Variants in C11orf65 observed in about 807,000 individuals in gnomAD.
The protein encoded by C11orf65 is chromosome 11 open reading frame 65, also known as protein MFI.
A neutral mutation model predicts 35.3 loss-of-function variants in C11orf65; 38 were observed. The observed-to-expected ratio is 1.08, with a 90% CI of 0.83 to 1.41. The LOEUF (loss-of-function observed/expected upper bound fraction) is 1.41. Ranked by LOEUF, C11orf65 falls within the 40% of genes most tolerant of loss-of-function variation. The pLI is 0.00. For missense variants in C11orf65, 370 were observed against 367.1 expected, an observed-to-expected ratio of 1.01 and a Z score of -0.06; for synonymous variants, 105 against 114.4, an observed-to-expected ratio of 0.92 and a Z score of 0.53.
At chr11:108,387,857 G>T (rs936576502) in intron 7 of C11orf65, among the ~76,000 whole-genome samples, 1 of 152,164 alleles carries the variant, frequency 6.6e-6, no homozygotes, top group East Asian at 1.9e-4. Context: ...ACAATCAGAC[G>T]TTGTGTCTGA....
At chr11:108,408,396 C>T (rs1039022610) in intron 3 of C11orf65, among the ~76,000 whole-genome samples, 11 of 151,976 alleles carry the variant, frequency 7.2e-5, no homozygotes, top group Non-Finnish European at 1.0e-4. Context: ...AATTCTGGGC[C>T]GGGCGTGGTG....
rs2091079513 is a variant in C11orf65, at chr11:108,364,031, C to G, written c.227-28739G>C. ...GGAAACCTTGAACTTAACGGACAAGCTACATGTAATCAAGCTCAGTTTCTC... is the reference window on the plus strand; with the variant it reads ...GGAAACCTTGAACTTAACGGACAAGGTACATGTAATCAAGCTCAGTTTCTC... On this transcript the variant is annotated intron_variant, in intron 2 of 3. Transcript: ENST00000524755. Among the ~76,000 whole-genome samples, 3 of 152,276 alleles carry G rather than the reference C, an allele frequency of 2.0e-5. No individual in the cohort carries two copies. In the South Asian group the frequency reaches 6.2e-4, roughly 32 times the overall value.
intron 2 of C11orf65, chr11:108,340,166 C>T (rs1031083993): frequency 6.6e-6 from 1 of 152,052 alleles, no homozygotes; most frequent in African/African-American, 2.4e-5. Context: ...TTTCTTTTTA[C>T]TTTTATTATT....
At chr11:108,435,871 T>C (rs1378805789) in intron 2 of C11orf65, among the ~76,000 whole-genome samples, 2 of 152,160 alleles carry the variant, frequency 1.3e-5, no homozygotes, top group Non-Finnish European at 2.9e-5. Flanking sequence ...CCCTGTAATC[T>C]GTAATGTGTA....
chr11:108,325,893 C>T (rs970973616), intron 6 of C11orf65, among the ~76,000 whole-genome samples: 9 of 151,982 alleles, frequency 5.9e-5, no homozygotes, highest in African/African-American at 2.2e-4. Context: ...GATAGGCAGA[C>T]GTGGGGTGGG....
rs548336486 is a variant in C11orf65, at chr11:108,370,575, G to GT, written c.226+22632dup. On this transcript the variant is annotated intron_variant, in intron 2 of 3. Coordinates refer to the C11orf65 transcript ENST00000524755. ...TGTGCCTCATCTCAAAGATAAAAGTGTAAGTGTTTACCTTTAAATTTACTG... is the reference window on the plus strand; with the variant it reads ...TGTGCCTCATCTCAAAGATAAAAGTGTTAAGTGTTTACCTTTAAATTTACTG... Among the ~76,000 whole-genome samples, 10 of 147,536 alleles carry GT rather than the reference G, an allele frequency of 6.8e-5. No individual in the cohort carries two copies. In the South Asian group the frequency reaches 2.1e-3, roughly 31 times the overall value.
chr11:108,452,864 G>A (rs1327684422), intron 2 of C11orf65, among the ~76,000 whole-genome samples: 3 of 151,912 alleles, frequency 2.0e-5, no homozygotes, highest in Non-Finnish European at 2.9e-5. Flanking sequence ...CATGGATGAA[G>A]CTGGAAACCA....
chr11:108,311,703 CAA>C, intron 6 of C11orf65, among the ~76,000 whole-genome samples: 1 of 114,312 alleles, frequency 8.7e-6, no homozygotes, highest in African/African-American at 3.2e-5. Flanking sequence ...ATCTCATAAA[CAA>C]AAAAAAAAAA....
chr11:108,458,867 A>G (rs1299177438), intron 2 of C11orf65, among the ~76,000 whole-genome samples: 2 of 152,184 alleles, frequency 1.3e-5, no homozygotes, highest in Non-Finnish European at 2.9e-5. Context: ...GGTAAATGGA[A>G]AGTGGTATCT....
chr11:108,388,919 C>T (rs1275860635), intron 7 of C11orf65, among the ~76,000 whole-genome samples: 4 of 152,192 alleles, frequency 2.6e-5, no homozygotes, highest in Non-Finnish European at 4.4e-5. Context: ...ATCCATTCTT[C>T]CAAATGATAA....
At chr11:108,443,471 A>C (rs967213908) in intron 2 of C11orf65, among the ~76,000 whole-genome samples, 1 of 152,184 alleles carries the variant, frequency 6.6e-6, no homozygotes, top group East Asian at 1.9e-4. Flanking sequence ...TGCACCAAGC[A>C]GACCTCATAG....
chr11:108,422,443 T>G (rs79444077), intron 3 of C11orf65, among the ~76,000 whole-genome samples: 13 of 152,090 alleles, frequency 8.5e-5, no homozygotes. Flanking sequence ...ACGACAACAG[T>G]AGAAAAATAG....
chr11:108,331,108 G>A, downstream of C11orf65: 1 of 994,504 alleles, frequency 1.0e-6, no homozygotes, highest in Non-Finnish European at 1.2e-6. Context: ...TCATTTTATT[G>A]TACACTGACT....
chr11:108,445,578 A>C (rs1165982945), intron 2 of C11orf65, among the ~76,000 whole-genome samples: 1 of 152,158 alleles, frequency 6.6e-6, no homozygotes, highest in Non-Finnish European at 1.5e-5. Flanking sequence ...GTCAGAAGGA[A>C]AACTAACAAA....
At chr11:108,362,513 G>A (rs1015365158) in intron 2 of C11orf65, among the ~76,000 whole-genome samples, 8 of 149,028 alleles carry the variant, frequency 5.4e-5, no homozygotes, top group South Asian at 4.3e-4. Flanking sequence ...TGTTTATTGC[G>A]GCATTATTCA....
At chr11:108,323,817 C>T (rs1325138588) in intron 6 of C11orf65, among the ~76,000 whole-genome samples, 1 of 152,120 alleles carries the variant, frequency 6.6e-6, no homozygotes, top group African/African-American at 2.4e-5. Context: ...TGCTTATGCT[C>T]TCAGATTACA....
In C11orf65 at chr11:108,405,457, G is replaced by C; in HGVS notation, c.532C>G (p.Leu178Val). ...RRQDLEKKRKLRKIEWMRQMY... is the reference protein window; with the variant it reads ...RRQDLEKKRKVRKIEWMRQMY... Reference sequence around the variant, plus strand: ...TGCCTCATCCACTCTATTTTTCTAAGTTTTCTTTTCTTTTCCAAATCTTGC... The same window carrying C: ...TGCCTCATCCACTCTATTTTTCTAACTTTTCTTTTCTTTTCCAAATCTTGC... Residue 178 changes from leucine to valine, a missense_variant, in exon 6 of 9, where the codon CTT becomes GTT. By Grantham distance (32) the Leu-to-Val change is conservative (BLOSUM62 1). Coordinates refer to ENST00000393084, the MANE Select transcript of C11orf65 (RefSeq NM_152587.5). 1 of 1,612,608 alleles carries C rather than the reference G, an allele frequency of 6.2e-7. No homozygotes were observed. The highest frequency in any genetic ancestry group is 1.1e-5 in the South Asian group (1 of 90,552).
Position 108,385,968 on chromosome 11 carries a change from C to T in C11orf65, c.739G>A (p.Ala247Thr). ...TNTLNFDEYI[A>T]SWKEIATSNS... ...CTTGTAGCAATTTCCTTCCAGCTGG[C>T]AATGTACCTAAGCACATTATATGAG... The change falls in exon 8 of 9, where the codon GCC becomes ACC. Residue 247 changes from alanine (A) to threonine (T), a missense_variant. Ala to Thr is a moderately conservative substitution (Grantham distance 58, BLOSUM62 0). Transcript: ENST00000393084. 1.2e-6 allele frequency: 2 copies of T among 1,613,570 alleles called. No homozygotes were observed. Among genetic ancestry groups the T allele is most frequent in the East Asian group, 4.5e-5 (2 of 44,848 alleles).
chr11:108,313,010 A>G (rs912505213), intron 6 of C11orf65, among the ~76,000 whole-genome samples: 1 of 152,138 alleles, frequency 6.6e-6, no homozygotes, highest in Non-Finnish European at 1.5e-5. Flanking sequence ...CTTCTCTTCT[A>G]TGCCGCTGCT....
Sources: allele counts gnomAD v4.1 joint callset (sites outside exome capture counted in the v4.1 genomes callset), GRCh38; gene constraint gnomAD v4.1.1; transcripts MANE v1.5; gene names NCBI Gene and HGNC (gene_info 2026-07-23, HGNC 2026-07-21).